The following PSD3 variants were observed in gnomAD, a reference collection of about 807,000 sequenced individuals.
PSD3 encodes the protein pleckstrin and Sec7 domain containing 3, also known as PH and SEC7 domain-containing protein 3.
A neutral mutation model predicts 105.5 loss-of-function variants in PSD3; 49 were observed. The ratio of observed to expected loss-of-function variants is 0.46; its 90% CI spans 0.37 to 0.59. The LOEUF (loss-of-function observed/expected upper bound fraction) is 0.59, where lower values mean the gene tolerates loss of function less well. Ranked by LOEUF, PSD3 falls within the 20% of genes least tolerant of loss-of-function variation. The pLI, the probability that PSD3 is intolerant of heterozygous loss-of-function variation, is 0.00. For missense variants in PSD3, 1,561 were observed against 1,263.8 expected, an observed-to-expected ratio of 1.24 and a Z score of -3.57; for synonymous variants, 557 against 457.8, an observed-to-expected ratio of 1.22 and a Z score of -2.77.
At chr8:19,022,299 A>G (rs1363756747) in intron 1 of PSD3, among the ~76,000 whole-genome samples, 1 of 152,174 alleles carries the variant, frequency 6.6e-6, no homozygotes, top group Non-Finnish European at 1.5e-5. Context: ...TCCAAACCAT[A>G]TTAAGTGGGG....
intron 9 of PSD3, among the ~76,000 whole-genome samples, chr8:18,701,754 G>A (rs1801594120): frequency 6.6e-6 from 1 of 152,136 alleles, no homozygotes; most frequent in African/African-American, 2.4e-5. Context: ...GTGAATATTT[G>A]CTTTAATATT....
At chr8:18,584,340 A>G (rs936238493) in intron 12 of PSD3, among the ~76,000 whole-genome samples, 2 of 152,238 alleles carry the variant, frequency 1.3e-5, no homozygotes, top group African/African-American at 4.8e-5. Flanking sequence ...CATAACAGTT[A>G]GAGACCTCTC....
chr8:18,857,424 T>A (rs73582621), intron 4 of PSD3, among the ~76,000 whole-genome samples: 3,492 of 152,198 alleles, frequency 0.023, 130 homozygotes, highest in African/African-American at 0.081. Context: ...GGCCCACACC[T>A]GGGAGTAGCA....
chr8:18,776,696 G>C (rs1324609937), intron 8 of PSD3, among the ~76,000 whole-genome samples: 1 of 152,100 alleles, frequency 6.6e-6, no homozygotes, highest in African/African-American at 2.4e-5. Flanking sequence ...TTAAATGTCT[G>C]ACAGAACTGA....
intron 9 of PSD3, among the ~76,000 whole-genome samples, chr8:18,667,360 A>C (rs1227812285): frequency 6.6e-6 from 1 of 152,138 alleles, no homozygotes; most frequent in African/African-American, 2.4e-5. Flanking sequence ...ACAAACCCTG[A>C]GCTAGACACA....
At chr8:18,752,546 T>TAA (rs562574903) in intron 9 of PSD3, among the ~76,000 whole-genome samples, 3,616 of 17,660 alleles carry the variant, frequency 0.2, 241 homozygotes, top group East Asian at 0.5. Context: ...ATTATATATA[T>TAA]TATATATAAT....
At chr8:18,696,773 G>A (rs184061739) in intron 9 of PSD3, among the ~76,000 whole-genome samples, 9 of 152,192 alleles carry the variant, frequency 5.9e-5, no homozygotes, top group East Asian at 5.8e-4. Flanking sequence ...GCCTCAAATC[G>A]GAACATCATT....
intron 9 of PSD3, among the ~76,000 whole-genome samples, chr8:18,680,659 A>G (rs2130949254): frequency 6.6e-6 from 1 of 152,226 alleles, no homozygotes; most frequent in East Asian, 1.9e-4. Context: ...ACAAAGCCAC[A>G]CTCTCTCTAG....
chr8:18,547,938 T>C lies in PSD3; in HGVS notation c.2928+8271A>G, dbSNP rs879809498. Among the ~76,000 whole-genome samples, 13 of 152,086 alleles carry C rather than the reference T, an allele frequency of 8.5e-5. 1 individual carries two copies. The highest frequency in any genetic ancestry group is 2.1e-4 in the South Asian group (1 of 4,836). On this transcript the variant is annotated intron_variant, in intron 15 of 15. Coordinates refer to ENST00000327040, the MANE Select transcript of PSD3 (RefSeq NM_015310.4). The stretch of plus-strand genomic sequence containing the variant: ...CTTATTACAGTCTATGATGCAGCAA[T>C]TGGCTCTGTTGATGGTGTTCCATGA...
At chr8:18,965,892 G>A (rs975499162) in intron 1 of PSD3, among the ~76,000 whole-genome samples, 1 of 152,212 alleles carries the variant, frequency 6.6e-6, no homozygotes, top group African/African-American at 2.4e-5. Flanking sequence ...TTAAGCTCCT[G>A]GTAATATAAC....
chr8:18,907,751 A>G (rs1269454729), intron 2 of PSD3, among the ~76,000 whole-genome samples: 2 of 152,242 alleles, frequency 1.3e-5, no homozygotes, highest in Admixed American at 6.5e-5. Context: ...ATTAAGCAGC[A>G]CATGACTGTA....
chr8:18,679,668 C>G (rs911631837), intron 9 of PSD3, among the ~76,000 whole-genome samples: 1 of 152,128 alleles, frequency 6.6e-6, no homozygotes, highest in African/African-American at 2.4e-5. Flanking sequence ...GGTGAAGTAA[C>G]TTGTCTAGGT....
At chr8:18,719,767 A>G (rs567477059) in intron 9 of PSD3, among the ~76,000 whole-genome samples, 3 of 152,246 alleles carry the variant, frequency 2.0e-5, no homozygotes, top group Admixed American at 6.5e-5. Context: ...AGTTACCTAA[A>G]TCTATTCTTT....
intron 4 of PSD3, among the ~76,000 whole-genome samples, chr8:18,853,232 G>A (rs1815734636): frequency 6.6e-6 from 1 of 152,098 alleles, no homozygotes. Context: ...TAAAAATACT[G>A]GAAATAGGAA....
At chr8:19,053,019 G>A (rs554277766) in intron 1 of PSD3, among the ~76,000 whole-genome samples, 3 of 152,266 alleles carry the variant, frequency 2.0e-5, no homozygotes, top group Non-Finnish European at 4.4e-5. Context: ...TGGAGCCAGG[G>A]CTTTGGCCAC....
chr8:19,019,704 A>G (rs886928518), intron 1 of PSD3, among the ~76,000 whole-genome samples: 3 of 152,194 alleles, frequency 2.0e-5, no homozygotes, highest in African/African-American at 7.2e-5. Flanking sequence ...CATACCTAAA[A>G]TCATGATATG....
At chr8:18,759,897 G>C (rs1035713907) in intron 9 of PSD3, among the ~76,000 whole-genome samples, 1 of 150,990 alleles carries the variant, frequency 6.6e-6, no homozygotes, top group African/African-American at 2.5e-5. Flanking sequence ...TCACTGAAAG[G>C]CCCTGTGTCT....
In PSD3 at chr8:18,809,021, C is replaced by G. The variant is rs917081847; in HGVS notation, c.1635-4123G>C. 9.6e-6 allele frequency: 10 copies of G among 1,039,358 alleles called. No individual in the cohort carries two copies. In the African/African-American group the frequency reaches 1.5e-4, roughly 15 times the overall value. The allele number at this position is 1,039,358 out of a possible 1,614,324, so 64.4% of individuals were successfully genotyped here. A position where few individuals can be genotyped will look rare whatever the true frequency, so the allele number is the denominator to read the frequency against. ...CCAGAACACAAGGGCCACTGTCTATCGAGAACGTAAGAAACAGTGAGCCCA... is the reference window on the plus strand; with the variant it reads ...CCAGAACACAAGGGCCACTGTCTATGGAGAACGTAAGAAACAGTGAGCCCA... On this transcript the variant is annotated intron_variant, in intron 4 of 15. Transcript: ENST00000327040.
chr8:18,986,172 G>A (rs2129473117), intron 1 of PSD3, among the ~76,000 whole-genome samples: 1 of 152,218 alleles, frequency 6.6e-6, no homozygotes, highest in South Asian at 2.1e-4. Context: ...CACATACAGA[G>A]AATAACTGAA....
Sources: gnomAD v4.1 joint callset for allele counts (sites outside exome capture counted in the v4.1 genomes callset) on GRCh38, gnomAD v4.1.1 for gene constraint, MANE v1.5 for transcripts, NCBI Gene and HGNC (gene_info 2026-07-23, HGNC 2026-07-21) for gene names.